Variants in SRGAP2 observed in about 807,000 individuals in gnomAD.
SRGAP2 encodes SLIT-ROBO Rho GTPase activating protein 2.
In SRGAP2, 15 loss-of-function variants were observed where a neutral mutation model predicts 57.2. The ratio of observed to expected loss-of-function variants is 0.26; its 90% confidence interval spans 0.18 to 0.40. The LOEUF is 0.40. Ranked by LOEUF, SRGAP2 falls within the 10% of genes least tolerant of loss-of-function variation. SRGAP2 has a pLI of 1.00. For missense variants in SRGAP2, 520 were observed against 669.6 expected (o/e 0.78, Z 2.47); for synonymous variants, 249 against 248.0 (o/e 1.00, Z -0.04).
Position 206,263,184 on chromosome 1 carries a change from A to C in SRGAP2, c.68-40097A>C, listed in dbSNP as rs1220803325. On this transcript the variant is annotated intron_variant, in intron 2 of 22. Transcript: ENST00000573034. Reference sequence around the variant, plus strand: ...GTTAGTTTGTCTGCTTGTTTAGTACATCTGCTGTTATCTGTTACCTTCTGA... The same window carrying C: ...GTTAGTTTGTCTGCTTGTTTAGTACCTCTGCTGTTATCTGTTACCTTCTGA... 4.3e-5 allele frequency among the ~76,000 whole-genome samples: 6 copies of C among 141,140 alleles called. No individual in the cohort carries two copies. In the East Asian group the frequency reaches 1.3e-3, roughly 30 times the overall value. The allele number at this position is 141,140 out of a possible 152,430, so 92.6% of individuals were successfully genotyped here.
chr1:206,429,897 G>A (rs1553367714), intron 13 of SRGAP2, among the ~76,000 whole-genome samples: 1 of 152,150 alleles, frequency 6.6e-6, no homozygotes, highest in Non-Finnish European at 1.5e-5. Flanking sequence ...AATTAATTAG[G>A]TGGTGGAGAA....
chr1:206,239,475 T>A (rs1668075882), intron 2 of SRGAP2, among the ~76,000 whole-genome samples: 2 of 152,226 alleles, frequency 1.3e-5, no homozygotes, highest in Admixed American at 6.5e-5. Flanking sequence ...CTTTCTTTTT[T>A]GAGACAGAGT....
At chr1:206,427,218 C>T (rs545394053) in intron 13 of SRGAP2, among the ~76,000 whole-genome samples, 1 of 152,142 alleles carries the variant, frequency 6.6e-6, no homozygotes, top group African/African-American at 2.4e-5. Context: ...TAACAGAAGT[C>T]TGTAAACATA....
intron 3 of SRGAP2, among the ~76,000 whole-genome samples, chr1:206,303,888 TCACACACACACACA>T (rs1172123806): frequency 7.2e-6 from 1 of 138,368 alleles, no homozygotes; most frequent in East Asian, 2.1e-4. Context: ...TCTCTCTCTC[TCACACACACACACA>T]CACACACACA....
chr1:206,353,275 T>C (rs1302313286), intron 4 of SRGAP2, among the ~76,000 whole-genome samples: 1 of 152,220 alleles, frequency 6.6e-6, no homozygotes, highest in Non-Finnish European at 1.5e-5. Context: ...CTTGATTCAG[T>C]CCCACAGCTT....
intron 2 of SRGAP2, among the ~76,000 whole-genome samples, chr1:206,272,866 G>A (rs1350964804): frequency 1.3e-5 from 2 of 152,078 alleles, no homozygotes; most frequent in Admixed American, 6.5e-5. Flanking sequence ...AAGGCGTGTT[G>A]TAGGTACCCC....
chr1:206,450,807 A>AT (rs1553375607), intron 19 of SRGAP2, among the ~76,000 whole-genome samples: 1 of 152,184 alleles, frequency 6.6e-6, no homozygotes, highest in East Asian at 1.9e-4. Flanking sequence ...AAAGTGAAGG[A>AT]AAGTACATTT....
chr1:206,375,439 C>G (rs1207484043), intron 4 of SRGAP2, among the ~76,000 whole-genome samples: 2 of 152,128 alleles, frequency 1.3e-5, no homozygotes, highest in Non-Finnish European at 2.9e-5. Flanking sequence ...ATTACGCCCC[C>G]ACTCAAATCA....
At chr1:206,394,654 A>G (rs1657392806) in intron 7 of SRGAP2, among the ~76,000 whole-genome samples, 1 of 152,168 alleles carries the variant, frequency 6.6e-6, no homozygotes, top group Non-Finnish European at 1.5e-5. Context: ...TTTTTAAAAT[A>G]TGTGATGCAA....
At chr1:206,363,028 C>G (rs1677024562) in intron 4 of SRGAP2, among the ~76,000 whole-genome samples, 1 of 148,410 alleles carries the variant, frequency 6.7e-6, no homozygotes, top group African/African-American at 2.5e-5. Flanking sequence ...TTATGATGTC[C>G]TTTGTATCTT....
intron 2 of SRGAP2, among the ~76,000 whole-genome samples, chr1:206,301,226 A>G (rs1671854190): frequency 2.0e-5 from 3 of 152,024 alleles, no homozygotes; most frequent in South Asian, 2.1e-4. Context: ...TAGTAGAGAC[A>G]GGGTTTCACC....
chr1:206,426,701 C>G (rs1344763692), intron 13 of SRGAP2, among the ~76,000 whole-genome samples: 3 of 152,130 alleles, frequency 2.0e-5, no homozygotes, highest in Non-Finnish European at 4.4e-5. Context: ...TAAAAATTTG[C>G]ATTTCTTATG....
intron 2 of SRGAP2, among the ~76,000 whole-genome samples, chr1:206,255,929 C>T (rs1280805287): frequency 6.7e-6 from 1 of 148,764 alleles, no homozygotes; most frequent in Non-Finnish European, 1.5e-5. Context: ...TATGTGTTCG[C>T]TCCAGTCCTT....
chr1:206,432,421 A>C (rs1553368625), intron 14 of SRGAP2, among the ~76,000 whole-genome samples: 8 of 152,230 alleles, frequency 5.3e-5, no homozygotes, highest in Non-Finnish European at 1.2e-4. Context: ...TAGGAATTCT[A>C]GAAATTTGCC....
intron 2 of SRGAP2, among the ~76,000 whole-genome samples, chr1:206,286,954 G>A (rs1176450387): frequency 8.5e-5 from 13 of 152,176 alleles, no homozygotes; most frequent in Admixed American, 7.9e-4. Context: ...GCAGTGTGGA[G>A]AGTAGACTAC....
At chr1:206,260,362 G>A (rs1454364852) in intron 2 of SRGAP2, among the ~76,000 whole-genome samples, 1 of 150,848 alleles carries the variant, frequency 6.6e-6, no homozygotes, top group African/African-American at 2.4e-5. Context: ...GGTAGTAAAG[G>A]TAAATTTAAA....
chr1:206,238,982 G>C (rs1291786554), intron 2 of SRGAP2, among the ~76,000 whole-genome samples: 54 of 152,054 alleles, frequency 3.6e-4, no homozygotes, highest in Non-Finnish European at 2.8e-4. Context: ...AGGGTGGAAG[G>C]GCTCCATTTG....
At chr1:206,244,832 T>C (rs1668448400) in intron 2 of SRGAP2, among the ~76,000 whole-genome samples, 1 of 151,886 alleles carries the variant, frequency 6.6e-6, no homozygotes, top group Non-Finnish European at 1.5e-5. Context: ...TCCTTAAGAT[T>C]GGTGCATGGA....
intron 14 of SRGAP2, 73 bp from the exon 15 acceptor site, chr1:206,436,892 T>C (rs1661808136): frequency 3.9e-6 from 3 of 773,204 alleles, no homozygotes; most frequent in Non-Finnish European, 7.3e-6. Context: ...GAGACAGATA[T>C]TCAACTAAGC....
Sources: allele counts gnomAD v4.1 joint callset (sites outside exome capture counted in the v4.1 genomes callset), GRCh38; gene constraint gnomAD v4.1.1; transcripts MANE v1.5; gene names NCBI Gene and HGNC (gene_info 2026-07-23, HGNC 2026-07-21).